Variants in SLC29A3 observed in about 807,000 individuals in gnomAD.
SLC29A3 encodes the protein solute carrier family 29 member 3, also known as equilibrative nucleoside transporter 3.
SLC29A3 carries 18 observed loss-of-function variants against 25.4 expected under a neutral mutation model. That is an observed-to-expected ratio of 0.71 (90% CI 0.49 to 1.05). The LOEUF (loss-of-function observed/expected upper bound fraction) is 1.05, where lower values mean the gene tolerates loss of function less well. Among genes scored for constraint, SLC29A3 ranks in the 50% least tolerant of loss-of-function variants. The probability of loss-of-function intolerance (pLI) is 0.00; values close to 1 mark genes in which losing one functional copy is unlikely to be tolerated. For synonymous variants in SLC29A3, 258 were observed against 267.1 expected, an observed-to-expected ratio of 0.97 and a Z score of 0.33; for missense variants, 586 against 609.0, an observed-to-expected ratio of 0.96 and a Z score of 0.40.
intron 3 of SLC29A3, among the ~76,000 whole-genome samples, chr10:71,348,438 TTGTCAGGGGTTACACGGAGAGCCGA>T (rs1396058541): frequency 6.6e-6 from 1 of 152,238 alleles, no homozygotes; most frequent in Non-Finnish European, 1.5e-5. Flanking sequence ...GGTTGAATAT[TTGTCAGGGGTTACACGGAGAGCCGA>T]TGACAGAGCT....
intron 3 of SLC29A3, among the ~76,000 whole-genome samples, chr10:71,349,396 C>A (rs939618230): frequency 6.6e-6 from 1 of 152,150 alleles, no homozygotes; most frequent in African/African-American, 2.4e-5. Flanking sequence ...AGCCAGCAGC[C>A]CCAGACACAG....
intron 4 of SLC29A3, among the ~76,000 whole-genome samples, chr10:71,376,345 T>C (rs1176595570): frequency 2.0e-5 from 3 of 152,164 alleles, no homozygotes; most frequent in African/African-American, 7.2e-5. Context: ...GAAGTGAAAA[T>C]TGCAGGCTCT....
intron 2 of SLC29A3, among the ~76,000 whole-genome samples, chr10:71,323,427 G>A (rs767734874): frequency 9.9e-5 from 15 of 152,272 alleles, no homozygotes; most frequent in Non-Finnish European, 1.8e-4. Flanking sequence ...CTTCACTTCT[G>A]TGCAGCTTTC....
intron 3 of SLC29A3, among the ~76,000 whole-genome samples, chr10:71,349,635 C>T (rs1455664905): frequency 6.6e-6 from 1 of 152,054 alleles, no homozygotes; most frequent in African/African-American, 2.4e-5. Flanking sequence ...GGAATGTTCT[C>T]CCAGGGAACA....
At chr10:71,340,475 A>G (rs959425977) in intron 2 of SLC29A3, among the ~76,000 whole-genome samples, 1 of 152,216 alleles carries the variant, frequency 6.6e-6, no homozygotes, top group Non-Finnish European at 1.5e-5. Flanking sequence ...CTTTGGGTCC[A>G]TGTGCTCATC....
chr10:71,353,383 G>A (rs946467301), intron 4 of SLC29A3, among the ~76,000 whole-genome samples: 6 of 152,186 alleles, frequency 3.9e-5, no homozygotes, highest in African/African-American at 1.4e-4. Context: ...TTCTGTCACC[G>A]CCATCTCAGA....
chr10:71,369,084 G>A (rs767934625), intron 3 of SLC29A3, among the ~76,000 whole-genome samples: 3 of 152,214 alleles, frequency 2.0e-5, no homozygotes, highest in Non-Finnish European at 4.4e-5. Flanking sequence ...TTATAAAAGA[G>A]TCAACAGAGC....
At chr10:71,320,955 G>C (rs560365521) in intron 1 of SLC29A3, among the ~76,000 whole-genome samples, 1 of 152,134 alleles carries the variant, frequency 6.6e-6, no homozygotes, top group East Asian at 1.9e-4. Context: ...CTGCTTGGCT[G>C]TGTAACTTCA....
chr10:71,377,544 G>A (rs984370600), intron 4 of SLC29A3, among the ~76,000 whole-genome samples: 5 of 152,210 alleles, frequency 3.3e-5, no homozygotes, highest in Non-Finnish European at 5.9e-5. Context: ...TGCCCGCGCG[G>A]GGGCCGTCGG....
chr10:71,333,230 G>T (rs1249586045), intron 2 of SLC29A3, among the ~76,000 whole-genome samples: 1 of 152,242 alleles, frequency 6.6e-6, no homozygotes, highest in Non-Finnish European at 1.5e-5. Flanking sequence ...CTCCTTGCTG[G>T]CCTCTTGCCG....
At chr10:71,370,811 A>G (rs922388467) in intron 3 of SLC29A3, among the ~76,000 whole-genome samples, 33 of 152,302 alleles carry the variant, frequency 2.2e-4, no homozygotes, top group Middle Eastern at 3.4e-3. Context: ...ATAGAGGTAT[A>G]TATTTTCAGG....
rs749946303 is a variant in SLC29A3, at chr10:71,322,871, GC to G, written c.122del (p.Pro41LeufsTer60). 12 of 1,614,188 alleles carry G rather than the reference GC, an allele frequency of 7.4e-6. No individual in the cohort carries two copies. The highest frequency in any genetic ancestry group is 9.3e-6 in the Non-Finnish European group (11 of 1,180,044). On this transcript the variant is annotated frameshift_variant, in exon 2 of 6. Transcript: ENST00000373189. LOFTEE classifies it high-confidence loss of function. ...TGCTTGAGAAGCTGCTGGACCGCCC[GC>G]CCCCTGGCCTGCAGAGGCCCGAGGA... ...ALLEKLLDRP[P>X]PGLQRPEDRF... is the part of the protein sequence containing the mutation.
chr10:71,320,815 C>G (rs558626376), intron 1 of SLC29A3, among the ~76,000 whole-genome samples: 23 of 152,316 alleles, frequency 1.5e-4, no homozygotes, highest in Admixed American at 2.6e-4. Context: ...TGCAGTGTGC[C>G]TGGGCCCCTC....
At chr10:71,341,227 TGGTGGC>T (rs1846399555) in intron 2 of SLC29A3, among the ~76,000 whole-genome samples, 1 of 142,372 alleles carries the variant, frequency 7.0e-6, no homozygotes, top group African/African-American at 3.1e-5. Context: ...GCTCCTCCTT[TGGTGGC>T]AGTGGTGGCA....
At chr10:71,343,958 G>A (rs768092196) in intron 2 of SLC29A3, among the ~76,000 whole-genome samples, 2 of 152,154 alleles carry the variant, frequency 1.3e-5, no homozygotes, top group Non-Finnish European at 2.9e-5. Flanking sequence ...GGACAGGAAC[G>A]ACTTATCCTT....
In SLC29A3 at chr10:71,362,024, A is replaced by G. The variant is rs548224104; in HGVS notation, c.844A>G (p.Ser282Gly). 2.5e-6 allele frequency: 4 copies of G among 1,614,104 alleles called. No homozygotes were observed. The Admixed American group carries it at 5.0e-5, about 20-fold the overall frequency. ...AGAGGAGCTTCCCCAGGACTCCCTC[A>G]GTGCCCCTTCGGTGGCCTCCAGATT... ...GEEELPQDSL[S>G]APSVASRFID... The change falls in exon 6 of 6, where the codon AGT becomes GGT. Residue 282 changes from serine (S) to glycine (G), a missense_variant. By Grantham distance (56) the Ser-to-Gly change is moderately conservative. Coordinates refer to ENST00000373189, the MANE Select transcript of SLC29A3 (RefSeq NM_018344.6).
At chr10:71,366,071 C>T (rs892111305), downstream of SLC29A3, 3 of 152,378 alleles carry the variant, frequency 2.0e-5, no homozygotes, top group Admixed American at 1.3e-4. Context: ...TCACTGCAGC[C>T]TCGACCTCCT....
At chr10:71,365,919 C>G (rs937746584), downstream of SLC29A3, 1 of 152,010 alleles carries the variant, frequency 6.6e-6, no homozygotes, top group Non-Finnish European at 1.5e-5. Flanking sequence ...TCTAAGAGTT[C>G]TCTGATTTAA....
At chr10:71,357,283 C>T (rs1002583505) in intron 5 of SLC29A3, among the ~76,000 whole-genome samples, 2 of 152,038 alleles carry the variant, frequency 1.3e-5, no homozygotes, top group African/African-American at 2.4e-5. Context: ...GGCATGGTGG[C>T]GGGTGCCTGT....
Sources: allele counts gnomAD v4.1 joint callset (sites outside exome capture counted in the v4.1 genomes callset), GRCh38; gene constraint gnomAD v4.1.1; transcripts MANE v1.5; gene names NCBI Gene and HGNC (gene_info 2026-07-23, HGNC 2026-07-21).